The following NXPE1 variants were observed in gnomAD, a reference collection of about 807,000 sequenced individuals.
The protein encoded by NXPE1 is neurexophilin and PC-esterase domain family member 1, also known as NXPE family member 1.
A neutral mutation model predicts 33.3 loss-of-function variants in NXPE1; 31 were observed. The ratio of observed to expected loss-of-function variants is 0.93; its 90% confidence interval spans 0.70 to 1.26. The LOEUF is 1.26. NXPE1 is among the 50% of genes most tolerant of loss of function. The pLI is 0.00. For missense variants in NXPE1, 661 were observed against 655.6 expected (o/e 1.01, Z -0.09); for synonymous variants, 229 against 231.4 (o/e 0.99, Z 0.09).
chr11:114,522,246 C>T (rs745647475), exon 9 of NXPE1: 26 of 1,614,054 alleles, frequency 1.6e-5, no homozygotes, highest in East Asian at 2.2e-5. Flanking sequence ...TTTTGAACAC[C>T]GATGGCCCTG....
chr11:114,550,255 A>T (rs553541825), intron 5 of NXPE1, among the ~76,000 whole-genome samples: 123 of 152,316 alleles, frequency 8.1e-4, no homozygotes, highest in African/African-American at 3.0e-3. Context: ...GAATAGTTAC[A>T]AAACGTATGG....
intron 7 of NXPE1, 137 bp downstream of exon 7, chr11:114,527,703 C>T (rs755772669): frequency 2.4e-5 from 13 of 550,652 alleles, no homozygotes; most frequent in Admixed American, 7.1e-5. Context: ...GAGTTCATTT[C>T]TCCCTTTAAA....
At chr11:114,530,465 C>T (rs1211492314) in exon 6 of NXPE1, 1 of 1,614,090 alleles carries the variant, frequency 6.2e-7, no homozygotes, top group Admixed American at 1.7e-5. Flanking sequence ...GGTGGATGAG[C>T]AGCAGAGACA....
chr11:114,527,009 A>G (rs965239036), intron 7 of NXPE1: 1 of 152,166 alleles, frequency 6.6e-6, no homozygotes. Context: ...TTGCCTCTTT[A>G]CTGTCTTCAT....
At chr11:114,550,355 A>G (rs1218583076) in intron 5 of NXPE1, among the ~76,000 whole-genome samples, 1 of 152,190 alleles carries the variant, frequency 6.6e-6, no homozygotes, top group Non-Finnish European at 1.5e-5. Context: ...TAATTAAAGT[A>G]GGATGGTATT....
chr11:114,519,022 T>C (rs971632194), downstream of NXPE1, among the ~76,000 whole-genome samples: 2 of 152,186 alleles, frequency 1.3e-5, no homozygotes, highest in African/African-American at 4.8e-5. Flanking sequence ...CAGATTTCCT[T>C]TTCTTATAAG....
At chr11:114,530,106 G>A (rs1190822202) in intron 6 of NXPE1, 69 bp downstream of exon 6, 2 of 1,450,410 alleles carry the variant, frequency 1.4e-6, no homozygotes, top group East Asian at 2.3e-5. Context: ...ATGTTGCAAT[G>A]GGCAATGTAG....
chr11:114,528,388 C>T (rs946179970), intron 6 of NXPE1, among the ~76,000 whole-genome samples: 2 of 152,136 alleles, frequency 1.3e-5, no homozygotes, highest in African/African-American at 4.8e-5. Flanking sequence ...CATCATGTAC[C>T]CAAGGAATCC....
At position 114,540,837 on chromosome 11, in the gene NXPE1, C is replaced by CTTTTT. The variant is rs142403291; in HGVS notation, c.100-9934_100-9930dup. 1.3e-4 allele frequency among the ~76,000 whole-genome samples: 6 copies of CTTTTT among 47,472 alleles called. 3 individuals carry two copies. The highest frequency in any genetic ancestry group is 1.8e-3 in the East Asian group (2 of 1,120). 31.1% of individuals were successfully genotyped at this position (47,472 alleles called of 152,430 possible). A position where few individuals can be genotyped will look rare whatever the true frequency, so the allele number is the denominator to read the frequency against. ...TAGCTAAAACACAATAGAAAGCCAT[C>CTTTTT]TTTTTTTTTTTTTTTTTTTTTTTTT... On this transcript the variant is annotated intron_variant, in intron 5 of 8. Transcript: ENST00000534921.
At chr11:114,523,232 C>T (rs530055820) in intron 7 of NXPE1, 141 bp from the exon 8 acceptor site, 1 of 631,746 alleles carries the variant, frequency 1.6e-6, no homozygotes, top group Admixed American at 2.9e-5. Context: ...TAGTCCTATT[C>T]TTTGATCATT....
rs1947240110 is a variant in NXPE1 at position 114,522,399 on chromosome 11, A to AG, written c.1212dup (p.Phe405LeufsTer13). On this transcript the variant is annotated frameshift_variant, in exon 9 of 9. Transcript: ENST00000534921. LOFTEE classifies it low-confidence loss of function (END_TRUNC). ...AGAGAGTAGAGCTGGAAAGTGACGA[A>AG]GGGATAGCTATGTTTTTTCCATTGA... The AG allele has an allele frequency of 6.2e-7, 1 of 1,613,994 alleles. No homozygotes were observed. The highest frequency in any genetic ancestry group is 1.7e-5 in the Admixed American group (1 of 59,994).
chr11:114,536,224 T>C (rs113912154), intron 5 of NXPE1, among the ~76,000 whole-genome samples: 34,438 of 152,026 alleles, frequency 0.23, 5,490 homozygotes, highest in African/African-American at 0.44. Flanking sequence ...AAGATGTTCT[T>C]TGAAACCAAT....
intron 7 of NXPE1, chr11:114,526,837 A>G (rs911978359): frequency 9.2e-5 from 14 of 152,196 alleles, no homozygotes; most frequent in Non-Finnish European, 1.8e-4. Context: ...TGTATATATG[A>G]CAGGCAATTA....
chr11:114,532,879 A>G (rs771603782), intron 5 of NXPE1, among the ~76,000 whole-genome samples: 1 of 152,246 alleles, frequency 6.6e-6, no homozygotes, highest in Non-Finnish European at 1.5e-5. Context: ...TTAATGGATT[A>G]AAGATAAAAT....
Position 114,552,086 on chromosome 11 carries a change from C to CAA in NXPE1, c.-181-2_-181-1insTT, listed in dbSNP as rs1377582264. 1.3e-5 allele frequency: 2 copies of CAA among 152,158 alleles called. No individual in the cohort carries two copies. The highest frequency in any genetic ancestry group is 2.4e-5 in the African/African-American group (1 of 41,444). 9.4% of individuals were successfully genotyped at this position (152,158 alleles called of 1,614,324 possible). A position where few individuals can be genotyped will look rare whatever the true frequency, so the allele number is the denominator to read the frequency against. On this transcript the variant is annotated splice_acceptor_variant, in intron 2 of 8. Coordinates refer to ENST00000534921, the Ensembl canonical transcript of NXPE1. LOFTEE classifies it low-confidence loss of function (5UTR_SPLICE). ...CTGGATGCGCAGAGCAATTTAGATACTTCACAGGCAAAATGGAAGTGAGAG... is the reference window on the plus strand; with the variant it reads ...CTGGATGCGCAGAGCAATTTAGATACAATTCACAGGCAAAATGGAAGTGAGAG...
intron 5 of NXPE1, among the ~76,000 whole-genome samples, chr11:114,538,816 A>T (rs1591283447): frequency 6.6e-6 from 1 of 152,158 alleles, no homozygotes; most frequent in Non-Finnish European, 1.5e-5. Flanking sequence ...AGAAATAGGA[A>T]CACTTTTACA....
At chr11:114,536,802 C>A (rs1000912236) in intron 5 of NXPE1, among the ~76,000 whole-genome samples, 5 of 152,072 alleles carry the variant, frequency 3.3e-5, no homozygotes, top group Non-Finnish European at 5.9e-5. Flanking sequence ...AGCTTACCAA[C>A]CAAAAAAAGT....
chr11:114,545,315 G>C (rs1948238325), intron 5 of NXPE1, among the ~76,000 whole-genome samples: 1 of 152,180 alleles, frequency 6.6e-6, no homozygotes. Context: ...AAGCAACCAA[G>C]AGCTCTTCAG....
At chr11:114,557,727 T>C (rs1948690735) in intron 1 of NXPE1, among the ~76,000 whole-genome samples, 1 of 150,052 alleles carries the variant, frequency 6.7e-6, no homozygotes. Context: ...TTCATTCTTC[T>C]TTGCCGTTCT....
Sources: allele counts gnomAD v4.1 joint callset (sites outside exome capture counted in the v4.1 genomes callset), GRCh38; gene constraint gnomAD v4.1.1; transcripts MANE v1.5; gene names NCBI Gene and HGNC (gene_info 2026-07-23, HGNC 2026-07-21).